C10orf90: variants seen among roughly 807,000 people sequenced by gnomAD.
C10orf90 encodes the protein chromosome 10 open reading frame 90.
In C10orf90, 56 loss-of-function variants were observed where a neutral mutation model predicts 62.5. That is an observed-to-expected ratio of 0.90 (90% CI 0.72 to 1.12). C10orf90 has a LOEUF of 1.12. Among genes scored for constraint, C10orf90 ranks in the 50% most tolerant of loss-of-function variants. The pLI is 0.00. For missense variants in C10orf90, 970 were observed against 880.4 expected, an observed-to-expected ratio of 1.10 and a Z score of -1.29; for synonymous variants, 386 against 340.4, an observed-to-expected ratio of 1.13 and a Z score of -1.47.
intron 2 of C10orf90, among the ~76,000 whole-genome samples, chr10:126,589,561 T>C (rs1304813985): frequency 6.6e-6 from 1 of 152,120 alleles, no homozygotes; most frequent in Non-Finnish European, 1.5e-5. Flanking sequence ...TCAACATTCT[T>C]AAAAGAAAGA....
intron 4 of C10orf90, among the ~76,000 whole-genome samples, chr10:126,475,211 C>A (rs1455397746): frequency 6.6e-6 from 1 of 152,150 alleles, no homozygotes; most frequent in African/African-American, 2.4e-5. Context: ...AGCCAAAAGG[C>A]AGCAAGCCAC....
At chr10:126,476,186 A>G (rs892206735) in intron 4 of C10orf90, among the ~76,000 whole-genome samples, 1 of 152,198 alleles carries the variant, frequency 6.6e-6, no homozygotes, top group Non-Finnish European at 1.5e-5. Flanking sequence ...AAAGGCCCCG[A>G]GTTCCACTTC....
chr10:126,662,166 G>C (rs1033745430), intron 1 of C10orf90, among the ~76,000 whole-genome samples: 4 of 152,092 alleles, frequency 2.6e-5, no homozygotes, highest in African/African-American at 9.7e-5. Context: ...TCAACAACTG[G>C]TTTTAAAATT....
intron 7 of C10orf90, among the ~76,000 whole-genome samples, chr10:126,442,816 A>G (rs971585323): frequency 6.6e-6 from 1 of 151,356 alleles, no homozygotes; most frequent in African/African-American, 2.4e-5. Flanking sequence ...AGACTCTCTC[A>G]GACCACAGTG....
At chr10:126,466,909 G>A (rs1860319145) in intron 4 of C10orf90, among the ~76,000 whole-genome samples, 1 of 152,128 alleles carries the variant, frequency 6.6e-6, no homozygotes, top group South Asian at 2.1e-4. Context: ...CAAAACATTG[G>A]TTCTGTTTAA....
chr10:126,660,059 C>T (rs1846477003), intron 1 of C10orf90, among the ~76,000 whole-genome samples: 1 of 152,204 alleles, frequency 6.6e-6, no homozygotes, highest in Admixed American at 6.5e-5. Flanking sequence ...CCAAGGGCTC[C>T]TTCTATTTCC....
intron 4 of C10orf90, chr10:126,502,913 T>A: frequency 2.1e-6 from 1 of 468,012 alleles, no homozygotes; most frequent in East Asian, 5.9e-5. Context: ...GAGCATTCAA[T>A]ATTTCAATAT....
intron 7 of C10orf90, among the ~76,000 whole-genome samples, chr10:126,431,418 G>A (rs1857562000): frequency 6.6e-6 from 1 of 152,166 alleles, no homozygotes; most frequent in African/African-American, 2.4e-5. Flanking sequence ...ACTGCAATGG[G>A]CCAAGATGCT....
rs549008398 is a variant in C10orf90 at position 126,460,583 on chromosome 10, G to C, written c.2010+818C>G. 7.3e-4 allele frequency among the ~76,000 whole-genome samples: 111 copies of C among 152,340 alleles called. 1 individual carries two copies. The highest frequency in any genetic ancestry group is 2.5e-3 in the African/African-American group (104 of 41,586). On this transcript the variant is annotated intron_variant, in intron 6 of 9. Coordinates refer to ENST00000488181, the MANE Select transcript of C10orf90 (RefSeq NM_001350921.2). ...CACTGGATGTGCTGAAGCTTCAAGA[G>C]AGTTCCATGCCTAAAGAGATAACCC... is the stretch of plus-strand genomic sequence containing the variant.
At chr10:126,425,961 C>T in intron 9 of C10orf90, 30 bp downstream of exon 9, 1 of 1,613,648 alleles carries the variant, frequency 6.2e-7, no homozygotes, top group South Asian at 1.1e-5. Flanking sequence ...GCACCACACA[C>T]ATCACACCTG....
At chr10:126,438,932 A>T (rs1858113238) in intron 7 of C10orf90, among the ~76,000 whole-genome samples, 1 of 151,862 alleles carries the variant, frequency 6.6e-6, no homozygotes, top group Non-Finnish European at 1.5e-5. Context: ...CATGCCCCAG[A>T]CCCTGGAGTT....
At chr10:126,650,186 C>T (rs1180262797) in intron 1 of C10orf90, among the ~76,000 whole-genome samples, 1 of 152,222 alleles carries the variant, frequency 6.6e-6, no homozygotes, top group African/African-American at 2.4e-5. Flanking sequence ...GAGGGAGAGC[C>T]TGATCAGCCT....
At chr10:126,574,505 A>G (rs1844571428) in intron 2 of C10orf90, among the ~76,000 whole-genome samples, 1 of 152,108 alleles carries the variant, frequency 6.6e-6, no homozygotes, top group Non-Finnish European at 1.5e-5. Flanking sequence ...ACATAATGCA[A>G]AAATTTTAAA....
chr10:126,426,123 A>G (rs151213233), intron 8 of C10orf90, 33 bp from the exon 9 acceptor site: 29,086 of 1,561,096 alleles, frequency 0.019, 334 homozygotes, highest in Non-Finnish European at 0.022. Flanking sequence ...TTGGAATGGT[A>G]GCTTGACAGC....
chr10:126,502,167 G>C (rs1053721645), intron 4 of C10orf90, among the ~76,000 whole-genome samples: 1 of 151,566 alleles, frequency 6.6e-6, no homozygotes, highest in African/African-American at 2.4e-5. Context: ...ACACTACTTG[G>C]GTGACGGGTG....
At chr10:126,465,787 C>T (rs550020109) in intron 4 of C10orf90, among the ~76,000 whole-genome samples, 1 of 152,192 alleles carries the variant, frequency 6.6e-6, no homozygotes, top group South Asian at 2.1e-4. Flanking sequence ...TACATTCATG[C>T]TCTGCAATGG....
In C10orf90 at chr10:126,635,023, C is replaced by G. The variant is rs1845922247; in HGVS notation, c.313+11542G>C. Among the ~76,000 whole-genome samples the G allele has an allele frequency of 3.3e-5, 5 of 152,328 alleles. No homozygotes were observed. In the South Asian group the frequency reaches 1.0e-3, roughly 32 times the overall value. ...TTTTCAAAGCTGTCCAAGAACAAGG[C>G]CTGGCCAACCGCCTCAGGCTGCCTG... On this transcript the variant is annotated intron_variant, in intron 2 of 9. Coordinates refer to ENST00000488181, the MANE Select transcript of C10orf90 (RefSeq NM_001350921.2).
At chr10:126,431,736 G>C (rs1259466998) in intron 7 of C10orf90, among the ~76,000 whole-genome samples, 2 of 152,142 alleles carry the variant, frequency 1.3e-5, no homozygotes, top group Non-Finnish European at 2.9e-5. Flanking sequence ...GTAAGATTTT[G>C]ATCATCTTGG....
chr10:126,546,214 C>T (rs757573919), intron 2 of C10orf90, among the ~76,000 whole-genome samples: 3 of 152,230 alleles, frequency 2.0e-5, no homozygotes, highest in Non-Finnish European at 2.9e-5. Context: ...AGCCAAACCC[C>T]ACAGAATAAA....
Sources: gnomAD v4.1 joint callset for allele counts (sites outside exome capture counted in the v4.1 genomes callset) on GRCh38, gnomAD v4.1.1 for gene constraint, MANE v1.5 for transcripts, NCBI Gene and HGNC (gene_info 2026-07-23, HGNC 2026-07-21) for gene names.